CMIP: variants seen among roughly 807,000 people sequenced by gnomAD.
CMIP encodes the protein c-Maf inducing protein, also known as C-Maf-inducing protein.
Under a neutral mutation model 97.3 loss-of-function variants are expected in CMIP, and 13 were observed. That is an observed-to-expected ratio of 0.13 (90% CI 0.09 to 0.21). The LOEUF (loss-of-function observed/expected upper bound fraction) is 0.21. CMIP is among the 10% of genes least tolerant of loss of function. CMIP has a pLI of 1.00. For synonymous variants in CMIP, 538 were observed against 436.3 expected, an observed-to-expected ratio of 1.23 and a Z score of -2.91; for missense variants, 847 against 1,024.9, an observed-to-expected ratio of 0.83 and a Z score of 2.37.
chr16:81,615,498 T>G (rs2091903573), intron 2 of CMIP, among the ~76,000 whole-genome samples: 1 of 148,512 alleles, frequency 6.7e-6, no homozygotes, highest in African/African-American at 2.5e-5. Flanking sequence ...GTGTGTGTGG[T>G]GTGTGTGTCT....
intron 1 of CMIP, among the ~76,000 whole-genome samples, chr16:81,504,294 T>C (rs2089664766): frequency 6.8e-6 from 1 of 147,678 alleles, no homozygotes; most frequent in Admixed American, 6.7e-5. Flanking sequence ...CCACTGCACT[T>C]CAGCCTTGGT....
intron 1 of CMIP, among the ~76,000 whole-genome samples, chr16:81,514,586 C>T (rs528931498): frequency 8.5e-5 from 13 of 152,286 alleles, no homozygotes; most frequent in Middle Eastern, 3.4e-3. Context: ...GCGTGGCTCT[C>T]AGCACCGCAT....
chr16:81,605,119 T>C (rs2091720299), intron 1 of CMIP, among the ~76,000 whole-genome samples: 2 of 152,084 alleles, frequency 1.3e-5, no homozygotes, highest in African/African-American at 4.8e-5. Context: ...CCGGCAGTGC[T>C]CAGGACAAGA....
At chr16:81,705,631 G>A (rs764243519) in intron 19 of CMIP, 27 bp downstream of exon 19, 16 of 1,450,948 alleles carry the variant, frequency 1.1e-5, no homozygotes, top group Admixed American at 5.7e-5. Flanking sequence ...CAGCTGGGGG[G>A]TGAGGGGCCG....
intron 1 of CMIP, among the ~76,000 whole-genome samples, chr16:81,504,317 C>A (rs917303156): frequency 6.6e-6 from 1 of 151,102 alleles, no homozygotes; most frequent in East Asian, 1.9e-4. Flanking sequence ...TAGAGTGAGA[C>A]TGTCTCAAAA....
intron 3 of CMIP, chr16:81,631,575 C>T (rs1472799233): frequency 6.6e-6 from 1 of 152,254 alleles, no homozygotes; most frequent in Non-Finnish European, 1.5e-5. Flanking sequence ...TATACTTGAA[C>T]TTTATCTAAA....
chr16:81,517,207 G>C (rs551739667), intron 1 of CMIP, among the ~76,000 whole-genome samples: 39 of 100,918 alleles, frequency 3.9e-4, no homozygotes, highest in African/African-American at 1.1e-3. Flanking sequence ...CAGCTTTCAA[G>C]GTCATCAGTG....
chr16:81,705,861 A>T (rs997221158), intron 19 of CMIP, among the ~76,000 whole-genome samples: 13 of 152,222 alleles, frequency 8.5e-5, no homozygotes, highest in African/African-American at 3.1e-4. Context: ...GCCAGCCCAT[A>T]GCCTCTTGAC....
At chr16:81,459,612 G>A (rs1195585470) in intron 1 of CMIP, among the ~76,000 whole-genome samples, 1 of 152,212 alleles carries the variant, frequency 6.6e-6, no homozygotes, top group African/African-American at 2.4e-5. Context: ...ATTGAAAGTC[G>A]CTTTTATTTT....
intron 1 of CMIP, among the ~76,000 whole-genome samples, chr16:81,579,480 CCTT>C (rs1382295262): frequency 1.3e-5 from 2 of 152,216 alleles, no homozygotes; most frequent in African/African-American, 4.8e-5. Context: ...CCTTGAGCCT[CCTT>C]CTTGAAGGAA....
At chr16:81,602,879 A>G (rs2150935240) in intron 1 of CMIP, among the ~76,000 whole-genome samples, 1 of 152,266 alleles carries the variant, frequency 6.6e-6, no homozygotes, top group South Asian at 2.1e-4. Flanking sequence ...TTACCAGGGA[A>G]TTATCAGTTA....
chr16:81,591,301 T>G (rs1459956808), intron 1 of CMIP, among the ~76,000 whole-genome samples: 1 of 152,206 alleles, frequency 6.6e-6, no homozygotes, highest in Non-Finnish European at 1.5e-5. Context: ...TCAAGTCACA[T>G]TACTCTGGAC....
chr16:81,527,831 C>T (rs944376618), intron 1 of CMIP, among the ~76,000 whole-genome samples: 19 of 152,318 alleles, frequency 1.2e-4, no homozygotes, highest in East Asian at 3.9e-4. Context: ...ATTCTACTGA[C>T]GGTGGGCATT....
In CMIP at chr16:81,482,823, G is replaced by T. The variant is rs75102891; in HGVS notation, c.300+37282G>T. ...TGAGCCCGTTCCCAACTGTAAAATGGGGGTGAGATAGGGCCTGACTCACAG... is the reference window on the plus strand; with the variant it reads ...TGAGCCCGTTCCCAACTGTAAAATGTGGGTGAGATAGGGCCTGACTCACAG... On this transcript the variant is annotated intron_variant, in intron 1 of 20. Transcript: ENST00000537098. Among the ~76,000 whole-genome samples the T allele has an allele frequency of 0.019, 2,825 of 152,344 alleles. 170 individuals are homozygous for T. The East Asian group carries it at 0.24, about 13-fold the overall frequency.
chr16:81,616,300 C>T lies in CMIP; in HGVS notation c.427-4576C>T, dbSNP rs964438884. Among the ~76,000 whole-genome samples, 13 of 152,046 alleles carry T rather than the reference C, an allele frequency of 8.6e-5. No individual in the cohort carries two copies. The highest frequency in any genetic ancestry group is 2.1e-4 in the South Asian group (1 of 4,822). ...TGGGCCGAGGGCTTGAAGAAGTGGC[C>T]GCCAGAAGCTTCAGGAGAGCGGAGG... On this transcript the variant is annotated intron_variant, in intron 2 of 20. Coordinates refer to ENST00000537098, the MANE Select transcript of CMIP (RefSeq NM_198390.3). The surrounding 1 kb of genome is among the most constrained non-coding windows in gnomAD (Gnocchi z 4.7).
intron 1 of CMIP, among the ~76,000 whole-genome samples, chr16:81,577,608 A>G (rs1320370622): frequency 1.4e-4 from 21 of 146,326 alleles, no homozygotes; most frequent in Non-Finnish European, 2.1e-4. Flanking sequence ...CATTACCACT[A>G]CATTATTATC....
chr16:81,625,500 T>C (rs2092049149), intron 3 of CMIP, among the ~76,000 whole-genome samples: 1 of 152,194 alleles, frequency 6.6e-6, no homozygotes, highest in Admixed American at 6.5e-5. Flanking sequence ...GGCACAGGCC[T>C]GTGTGCACAC....
chr16:81,673,798 G>C (rs1157405654), intron 9 of CMIP, among the ~76,000 whole-genome samples: 1 of 152,212 alleles, frequency 6.6e-6, no homozygotes, highest in African/African-American at 2.4e-5. Context: ...GATGTGACAT[G>C]CAGAACACAG....
chr16:81,658,478 T>C (rs1416989782), intron 5 of CMIP, among the ~76,000 whole-genome samples: 1 of 152,142 alleles, frequency 6.6e-6, no homozygotes, highest in Non-Finnish European at 1.5e-5. Flanking sequence ...AATAGAGACA[T>C]TGAGTGCAGA....
Sources: allele counts gnomAD v4.1 joint callset (sites outside exome capture counted in the v4.1 genomes callset), GRCh38; gene constraint gnomAD v4.1.1; non-coding constraint Gnocchi (gnomAD v3.1); transcripts MANE v1.5; gene names NCBI Gene and HGNC (gene_info 2026-07-23, HGNC 2026-07-21).